CDC42BPA: variants seen among roughly 807,000 people sequenced by gnomAD.
CDC42BPA encodes the protein serine/threonine-protein kinase MRCK alpha.
In CDC42BPA, 80 loss-of-function variants were observed where a neutral mutation model predicts 223.5. The ratio of observed to expected loss-of-function variants is 0.36; its 90% CI spans 0.30 to 0.43. The LOEUF is 0.43. Among genes scored for constraint, CDC42BPA ranks in the 20% least tolerant of loss-of-function variants. The pLI is 1.00. For missense variants in CDC42BPA, 1,743 were observed against 2,099.9 expected, an observed-to-expected ratio of 0.83 and a Z score of 3.32; for synonymous variants, 694 against 718.6, an observed-to-expected ratio of 0.97 and a Z score of 0.55.
At chr1:227,201,418 C>T (rs1162224559) in intron 3 of CDC42BPA, among the ~76,000 whole-genome samples, 1 of 152,162 alleles carries the variant, frequency 6.6e-6, no homozygotes, top group African/African-American at 2.4e-5. Context: ...GCTAGGACTA[C>T]AGGCATGAGC....
chr1:227,126,510 A>C (rs1385107165), intron 11 of CDC42BPA, among the ~76,000 whole-genome samples: 1 of 114,450 alleles, frequency 8.7e-6, no homozygotes, highest in African/African-American at 3.5e-5. Flanking sequence ...GAAGGAAGGA[A>C]GGAAGGAAGG....
chr1:227,130,471 G>A (rs966683717), intron 10 of CDC42BPA, among the ~76,000 whole-genome samples: 17 of 151,788 alleles, frequency 1.1e-4, no homozygotes, highest in African/African-American at 3.9e-4. Flanking sequence ...GGTCCTTTCC[G>A]TATTTATTAT....
chr1:227,040,324 T>C (rs1291216883), intron 23 of CDC42BPA, 88 bp from the exon 24 acceptor site: 3 of 741,464 alleles, frequency 4.0e-6, no homozygotes, highest in Non-Finnish European at 7.0e-6. Flanking sequence ...CTTTCTAGAA[T>C]GTTTTCTAAA....
intron 1 of CDC42BPA, among the ~76,000 whole-genome samples, chr1:227,304,276 CAT>C (rs1692175802): frequency 1.3e-5 from 2 of 152,060 alleles, no homozygotes; most frequent in Non-Finnish European, 2.9e-5. Context: ...CATAGTAGCA[CAT>C]GTCTGCAGTC....
At chr1:227,102,984 T>C (rs1430413498) in intron 14 of CDC42BPA, among the ~76,000 whole-genome samples, 2 of 152,108 alleles carry the variant, frequency 1.3e-5, no homozygotes, top group African/African-American at 4.8e-5. Flanking sequence ...AAACCAGTAA[T>C]TCTTTTAATT....
chr1:227,179,339 CAAA>C (rs78398595), intron 5 of CDC42BPA, among the ~76,000 whole-genome samples: 25,817 of 151,890 alleles, frequency 0.17, 2,219 homozygotes, highest in Middle Eastern at 0.2. Context: ...GAATTTATCT[CAAA>C]AAGCTATTTT....
intron 2 of CDC42BPA, among the ~76,000 whole-genome samples, chr1:227,248,870 T>C (rs1352751162): frequency 6.6e-6 from 1 of 152,194 alleles, no homozygotes; most frequent in African/African-American, 2.4e-5. Context: ...CAAAGCAATC[T>C]ACAGATTCAA....
intron 11 of CDC42BPA, 28 bp downstream of exon 11, chr1:227,129,081 G>C: frequency 7.5e-7 from 1 of 1,327,330 alleles, no homozygotes; most frequent in Non-Finnish European, 1.1e-6. Context: ...TTCCTAAATT[G>C]AATTAACAGT....
intron 1 of CDC42BPA, among the ~76,000 whole-genome samples, chr1:227,261,342 C>G (rs1034896142): frequency 6.6e-6 from 1 of 150,670 alleles, no homozygotes; most frequent in Non-Finnish European, 1.5e-5. Context: ...TCTTGAACTC[C>G]TGACTTCAGG....
At chr1:227,261,124 C>CTTTCTTTCTTTTTTTTTTTTTTTTT (rs386417862) in intron 1 of CDC42BPA, among the ~76,000 whole-genome samples, 1 of 121,000 alleles carries the variant, frequency 8.3e-6, no homozygotes, top group African/African-American at 3.2e-5. Flanking sequence ...TTGAGTTTTT[C>CTTTCTTTCTTTTTTTTTTTTTTTTT]TTTTTTTTTG....
chr1:227,252,600 A>G (rs144621200), intron 2 of CDC42BPA, among the ~76,000 whole-genome samples: 1 of 152,188 alleles, frequency 6.6e-6, no homozygotes, highest in African/African-American at 2.4e-5. Context: ...ATTACAGGCC[A>G]ATTTATCTGA....
chr1:227,064,015 A>AGAG (rs1292600281), intron 21 of CDC42BPA, among the ~76,000 whole-genome samples: 1 of 152,238 alleles, frequency 6.6e-6, no homozygotes, highest in Non-Finnish European at 1.5e-5. Flanking sequence ...TCCAGAACTC[A>AGAG]GCCTGCCAAT....
chr1:227,094,359 TAC>T (rs771636193), intron 15 of CDC42BPA, among the ~76,000 whole-genome samples: 3 of 152,182 alleles, frequency 2.0e-5, no homozygotes, highest in Non-Finnish European at 4.4e-5. Flanking sequence ...TAAAATGCCA[TAC>T]ACTGGAGACC....
intron 1 of CDC42BPA, among the ~76,000 whole-genome samples, chr1:227,273,151 A>G (rs1572774611): frequency 6.6e-6 from 1 of 152,314 alleles, no homozygotes; most frequent in East Asian, 1.9e-4. Context: ...TACAAAAATT[A>G]GCCAGGCATG....
rs1482515243 is a variant in CDC42BPA, at chr1:227,125,099, CCAA to C, written c.1513+4007_1513+4009del. On this transcript the variant is annotated intron_variant, in intron 11 of 36. Coordinates refer to ENST00000366766, the MANE Select transcript of CDC42BPA (RefSeq NM_001394014.1). ...ACAACAGCTGTAAAGAGAAAAAGCC[CCAA>C]CAAAAGCCTGCTCTTTCTAGCCAAA... is the stretch of plus-strand genomic sequence containing the variant. Among the ~76,000 whole-genome samples, 8 of 151,886 alleles carry C rather than the reference CCAA, an allele frequency of 5.3e-5. No individual in the cohort carries two copies. The East Asian group carries it at 1.5e-3, about 29-fold the overall frequency.
chr1:227,112,008 G>A (rs992039843), intron 14 of CDC42BPA: 6 of 212,898 alleles, frequency 2.8e-5, no homozygotes, highest in Admixed American at 5.8e-5. Flanking sequence ...ATATATAGAG[G>A]GTCTGGATAT....
At chr1:227,050,764 T>C (rs1673380626) in intron 22 of CDC42BPA, among the ~76,000 whole-genome samples, 2 of 152,218 alleles carry the variant, frequency 1.3e-5, no homozygotes, top group African/African-American at 2.4e-5. Flanking sequence ...GAAATGAACA[T>C]CTAAAACCAA....
chr1:227,294,064 G>A (rs993665268), intron 1 of CDC42BPA, among the ~76,000 whole-genome samples: 1 of 151,960 alleles, frequency 6.6e-6, no homozygotes, highest in Non-Finnish European at 1.5e-5. Flanking sequence ...AAGGTCAGAA[G>A]ATCAAGACCA....
chr1:227,079,119 AGG>A (rs1680104293), intron 17 of CDC42BPA, among the ~76,000 whole-genome samples: 1 of 152,178 alleles, frequency 6.6e-6, no homozygotes, highest in African/African-American at 2.4e-5. Context: ...AAAGTTGAAC[AGG>A]GAATATATAT....
Sources: gnomAD v4.1 joint callset for allele counts (sites outside exome capture counted in the v4.1 genomes callset) on GRCh38, gnomAD v4.1.1 for gene constraint, MANE v1.5 for transcripts, NCBI Gene and HGNC (gene_info 2026-07-23, HGNC 2026-07-21) for gene names.